The following NCKAP5 variants were observed in gnomAD, a reference collection of about 807,000 sequenced individuals.
The protein encoded by NCKAP5 is NCK associated protein 5.
Under a neutral mutation model 167.0 loss-of-function variants are expected in NCKAP5, and 92 were observed. That is an observed-to-expected ratio of 0.55 (90% CI 0.47 to 0.66). NCKAP5 has a LOEUF of 0.66. NCKAP5 is among the 30% of genes least tolerant of loss of function. The pLI is 0.00. For synonymous variants in NCKAP5, 891 were observed against 877.4 expected, an observed-to-expected ratio of 1.02 and a Z score of -0.27; for missense variants, 2,378 against 2,315.0, an observed-to-expected ratio of 1.03 and a Z score of -0.56.
the NCKAP5 span, among the ~76,000 whole-genome samples, chr2:133,638,799 A>T: frequency 6.7e-6 from 1 of 149,484 alleles, no homozygotes; most frequent in African/African-American, 2.5e-5. Context: ...CAGAAGTTGC[A>T]CTGAGCTGAG....
chr2:133,022,935 T>C (rs891169026), intron 6 of NCKAP5, among the ~76,000 whole-genome samples: 21 of 152,196 alleles, frequency 1.4e-4, no homozygotes, highest in African/African-American at 4.8e-4. Context: ...AACTGCCACG[T>C]TGGAGAGGCC....
chr2:133,581,150 A>T, the NCKAP5 span, among the ~76,000 whole-genome samples: 1 of 152,228 alleles, frequency 6.6e-6, no homozygotes, highest in Non-Finnish European at 1.5e-5. Context: ...TCTGTATAGA[A>T]TGACGACATC....
chr2:133,320,511 G>A lies in NCKAP5; in HGVS notation c.70-17401C>T, dbSNP rs542736708. Reference sequence around the variant, plus strand: ...TGGGAGGCCAAGGTGGGCAGATCACGAGGTCAGGAGATCGAGACCATCCTG... The same window carrying A: ...TGGGAGGCCAAGGTGGGCAGATCACAAGGTCAGGAGATCGAGACCATCCTG... On this transcript the variant is annotated intron_variant, in intron 3 of 19. Transcript: ENST00000409261. Among the ~76,000 whole-genome samples, 24 of 152,206 alleles carry A rather than the reference G, an allele frequency of 1.6e-4. No individual in the cohort carries two copies. The East Asian group carries it at 4.1e-3, about 26-fold the overall frequency.
chr2:133,319,511 T>C (rs927932781), intron 3 of NCKAP5, among the ~76,000 whole-genome samples: 1 of 152,136 alleles, frequency 6.6e-6, no homozygotes, highest in Non-Finnish European at 1.5e-5. Context: ...AACCATTCAA[T>C]CAGTGGACTA....
rs1426753919 is a variant in NCKAP5, at chr2:132,672,274, A to G, written c.*1015T>C. 6.5e-6 allele frequency: 1 copy of G among 152,720 alleles called. No individual in the cohort carries two copies. Among genetic ancestry groups the G allele is most frequent in the African/African-American group, 2.4e-5 (1 of 41,580 alleles). The allele number at this position is 152,720 out of a possible 1,614,324, so 9.5% of individuals were successfully genotyped here. A position where few individuals can be genotyped will look rare whatever the true frequency, so the allele number is the denominator to read the frequency against. On this transcript the variant is annotated 3_prime_UTR_variant, in exon 20 of 20. Transcript: ENST00000409261. ...CAAATAATATTCAGGATCATAGAGA[A>G]GCACTAAGTAAAAGACAATCTAAAG...
At chr2:133,469,203 C>T (rs1015802293) in intron 3 of NCKAP5, among the ~76,000 whole-genome samples, 7 of 151,800 alleles carry the variant, frequency 4.6e-5, no homozygotes, top group Non-Finnish European at 7.4e-5. Context: ...TAGGGCAGGC[C>T]TGGTGGTGAC....
At chr2:133,543,886 G>C (rs767477374) in intron 2 of NCKAP5, among the ~76,000 whole-genome samples, 9 of 152,224 alleles carry the variant, frequency 5.9e-5, no homozygotes, top group African/African-American at 9.6e-5. Context: ...GTGTTTGCTT[G>C]TCTGTCTTTC....
chr2:133,663,879 T>C, the NCKAP5 span, among the ~76,000 whole-genome samples: 2 of 152,232 alleles, frequency 1.3e-5, no homozygotes, highest in South Asian at 2.1e-4. Flanking sequence ...AAAGTTCTTA[T>C]TGGCATCTAG....
At chr2:132,753,699 T>A (rs1250591145) in intron 16 of NCKAP5, among the ~76,000 whole-genome samples, 1 of 152,132 alleles carries the variant, frequency 6.6e-6, no homozygotes, top group African/African-American at 2.4e-5. Flanking sequence ...GAGGGAATGT[T>A]TTTCAAGGGG....
At chr2:133,228,598 A>C (rs557503060) in intron 4 of NCKAP5, among the ~76,000 whole-genome samples, 1 of 152,324 alleles carries the variant, frequency 6.6e-6, no homozygotes, top group African/African-American at 2.4e-5. Context: ...TATACTGTGC[A>C]CATTCCTAGA....
intron 11 of NCKAP5, among the ~76,000 whole-genome samples, chr2:132,856,423 C>T (rs902005568): frequency 2.6e-5 from 4 of 152,048 alleles, no homozygotes; most frequent in African/African-American, 7.3e-5. Flanking sequence ...ACAAAAAGTC[C>T]GCATTCTAAG....
At chr2:133,213,942 A>G (rs2086317904) in intron 4 of NCKAP5, among the ~76,000 whole-genome samples, 163 bp from the exon 5 acceptor site, 1 of 152,204 alleles carries the variant, frequency 6.6e-6, no homozygotes, top group African/African-American at 2.4e-5. Context: ...ATTGGTCATG[A>G]ATGCATTGTT....
chr2:132,819,440 A>G (rs556064492), intron 11 of NCKAP5, among the ~76,000 whole-genome samples: 1 of 152,316 alleles, frequency 6.6e-6, no homozygotes, highest in Admixed American at 6.5e-5. Context: ...AAGAGAAACT[A>G]TTTTCAAACT....
chr2:132,751,926 C>T (rs983452428), intron 16 of NCKAP5, among the ~76,000 whole-genome samples: 1 of 152,192 alleles, frequency 6.6e-6, no homozygotes, highest in Non-Finnish European at 1.5e-5. Context: ...CACACTGGTT[C>T]AAGGGGGAAA....
At position 133,434,476 on chromosome 2, in the gene NCKAP5, T is replaced by A. The variant is rs549977050; in HGVS notation, c.69+82982A>T. On this transcript the variant is annotated intron_variant, in intron 3 of 19. Coordinates refer to ENST00000409261, the MANE Select transcript of NCKAP5 (RefSeq NM_207363.3). ...GGCCTGGTCAAATCCCAGTTCTATC[T>A]TTACTCGTTATATAATTTGGGATGA... is the stretch of plus-strand genomic sequence containing the variant. Among the ~76,000 whole-genome samples the A allele has an allele frequency of 3.3e-5, 5 of 152,362 alleles. No homozygotes were observed. In the East Asian group the frequency reaches 9.6e-4, roughly 29 times the overall value.
chr2:133,140,906 A>C (rs2082971914), intron 5 of NCKAP5, among the ~76,000 whole-genome samples: 1 of 151,966 alleles, frequency 6.6e-6, no homozygotes, highest in African/African-American at 2.4e-5. Context: ...CAAAGAGCAC[A>C]CTTTCCTTCA....
At chr2:133,043,183 T>C (rs2079272123) in intron 6 of NCKAP5, among the ~76,000 whole-genome samples, 1 of 152,192 alleles carries the variant, frequency 6.6e-6, no homozygotes, top group African/African-American at 2.4e-5. Context: ...CAGTTTTCTA[T>C]AGAACTAATG....
At position 132,672,073 on chromosome 2, in the gene NCKAP5, C is replaced by A. The variant is rs1439353920; in HGVS notation, c.*1216G>T. 1 of 152,408 alleles carries A rather than the reference C, an allele frequency of 6.6e-6. No homozygotes were observed. The highest frequency in any genetic ancestry group is 1.5e-5 in the Non-Finnish European group (1 of 67,996). The allele number at this position is 152,408 out of a possible 1,614,324, so 9.4% of individuals were successfully genotyped here. ...CACATCTAGAAAAAATACACATAAC[C>A]TTTAAAATAGAATTTATCCTTACAT... On this transcript the variant is annotated 3_prime_UTR_variant, in exon 20 of 20. Transcript: ENST00000409261.
intron 16 of NCKAP5, among the ~76,000 whole-genome samples, chr2:132,740,481 C>T (rs1375340433): frequency 6.6e-6 from 1 of 152,230 alleles, no homozygotes; most frequent in South Asian, 2.1e-4. Flanking sequence ...GTTGCCAAAG[C>T]CACATCAATT....
Sources: gnomAD v4.1 joint callset for allele counts (sites outside exome capture counted in the v4.1 genomes callset) on GRCh38, gnomAD v4.1.1 for gene constraint, MANE v1.5 for transcripts, NCBI Gene and HGNC (gene_info 2026-07-23, HGNC 2026-07-21) for gene names.